Variants in KCNN3 observed in about 807,000 individuals in gnomAD.
KCNN3 encodes the protein potassium calcium-activated channel subfamily N member 3, also known as small conductance calcium-activated potassium channel protein 3.
Under a neutral mutation model 62.9 loss-of-function variants are expected in KCNN3, and 16 were observed. The observed-to-expected ratio is 0.25, with a 90% CI of 0.17 to 0.39. The LOEUF (loss-of-function observed/expected upper bound fraction) is 0.39, where lower values mean the gene tolerates loss of function less well. Among genes scored for constraint, KCNN3 ranks in the 10% least tolerant of loss-of-function variants. KCNN3 has a pLI of 1.00. For synonymous variants in KCNN3, 370 were observed against 389.2 expected (o/e 0.95, Z 0.58); for missense variants, 599 against 949.4 (o/e 0.63, Z 4.85).
intron 2 of KCNN3, among the ~76,000 whole-genome samples, chr1:154,775,318 A>G (rs1341652196): frequency 6.6e-6 from 1 of 152,154 alleles, no homozygotes; most frequent in Non-Finnish European, 1.5e-5. Flanking sequence ...ATGTTTCTGC[A>G]GCAAGGGGAA....
chr1:154,845,493 G>T (rs1017561785), intron 1 of KCNN3, among the ~76,000 whole-genome samples: 12 of 152,244 alleles, frequency 7.9e-5, no homozygotes, highest in South Asian at 6.2e-4. Context: ...GGCCCAAGAG[G>T]TCTCTGCTTT....
Position 154,726,032 on chromosome 1 carries a change from G to T in KCNN3, c.1591-6C>A, listed in dbSNP as rs777503256. ...AGGGCAGTGCAGCCTGCACCCTGCG[G>T]GGGGACATCAAGAGGACCAGAGGGG... is the stretch of plus-strand genomic sequence containing the variant. On this transcript the variant is annotated splice_region_variant and splice_polypyrimidine_tract_variant and intron_variant, in intron 4 of 7. Coordinates refer to ENST00000271915, the MANE Select transcript of KCNN3 (RefSeq NM_002249.6). The T allele has an allele frequency of 1.2e-6, 2 of 1,609,202 alleles. No homozygotes were observed.
At chr1:154,867,898 A>G (rs1653015294) in intron 1 of KCNN3, 2 of 963,992 alleles carry the variant, frequency 2.1e-6, no homozygotes, top group African/African-American at 3.5e-5. Context: ...CAAGCCTTCC[A>G]GCCCACAGCA....
At position 154,699,192 on chromosome 1, in the gene KCNN3, T is replaced by C. The variant is rs1699801771; in HGVS notation, c.*8784A>G. 6.6e-6 allele frequency: 1 copy of C among 151,822 alleles called. No individual in the cohort carries two copies. The highest frequency in any genetic ancestry group is 6.6e-5 in the Admixed American group (1 of 15,236). The allele number at this position is 151,822 out of a possible 1,614,324, so 9.4% of individuals were successfully genotyped here. ...ACCTTCAGGCACTTGACTTTTTTTTTTTTTTTTAATATCCTTTACCTTTTT... is the reference window on the plus strand; with the variant it reads ...ACCTTCAGGCACTTGACTTTTTTTTCTTTTTTTAATATCCTTTACCTTTTT... On this transcript the variant is annotated 3_prime_UTR_variant, in exon 8 of 8. Coordinates refer to ENST00000271915, the MANE Select transcript of KCNN3 (RefSeq NM_002249.6).
chr1:154,820,201 G>A (rs1050348891), intron 2 of KCNN3, among the ~76,000 whole-genome samples: 4 of 152,244 alleles, frequency 2.6e-5, no homozygotes, highest in African/African-American at 9.6e-5. Flanking sequence ...GAGTCAAGCT[G>A]CAGCTGGACC....
intron 1 of KCNN3, among the ~76,000 whole-genome samples, chr1:154,846,462 C>G (rs571699901): frequency 6.6e-6 from 1 of 152,202 alleles, no homozygotes; most frequent in East Asian, 1.9e-4. Flanking sequence ...GTCTGCCCCC[C>G]GGGAGGAGGA....
intron 3 of KCNN3, among the ~76,000 whole-genome samples, chr1:154,770,742 C>T (rs1484738474): frequency 6.6e-6 from 1 of 152,176 alleles, no homozygotes; most frequent in Non-Finnish European, 1.5e-5. Flanking sequence ...GATTTAGACT[C>T]CACATGTCAA....
chr1:154,714,857 A>G lies in KCNN3; in HGVS notation c.1829+19T>C. 1 of 1,613,016 alleles carries G rather than the reference A, an allele frequency of 6.2e-7. No homozygotes were observed. On this transcript the variant is annotated intron_variant, in intron 6 of 7. Transcript: ENST00000271915. ...CCCAGTCTGGTCATCTGATGGCTGA[A>G]CCGCTCTGGCATACTCACTGGTGGA...
At position 154,772,309 on chromosome 1, in the gene KCNN3, C is replaced by G. The variant is rs1254657878; in HGVS notation, c.1114G>C (p.Val372Leu). The G allele has an allele frequency of 6.2e-7, 1 of 1,614,020 alleles. No homozygotes were observed. Among genetic ancestry groups the G allele is most frequent in the African/African-American group, 1.3e-5 (1 of 74,946 alleles). ...CCAGGAATGGGGTGGATGGCGCACA[C>G]CAGCATCTCCAGGCTGATGTACAGG... is the stretch of plus-strand genomic sequence containing the variant. The part of the protein sequence containing the change: ...RILYISLEML[V>L]CAIHPIPGEY... Residue 372 changes from valine to leucine, a missense_variant, in exon 3 of 8, where the codon GTG (valine) becomes CTG (leucine). Physicochemically the swap from Val to Leu is conservative, Grantham distance 32. Coordinates refer to ENST00000271915, the MANE Select transcript of KCNN3 (RefSeq NM_002249.6). This position sits in a 1 kb window ranked among gnomAD's most constrained non-coding sequence, Gnocchi z 5.6.
chr1:154,715,148 A>G, intron 5 of KCNN3, 145 bp from the exon 6 acceptor site: 1 of 1,058,148 alleles, frequency 9.5e-7, no homozygotes, highest in Non-Finnish European at 1.4e-6. Context: ...CCTAGAAAAG[A>G]TGATTAAGGC....
At chr1:154,712,373 C>T (rs557357189) in intron 7 of KCNN3, among the ~76,000 whole-genome samples, 2 of 152,292 alleles carry the variant, frequency 1.3e-5, no homozygotes, top group Admixed American at 6.5e-5. Flanking sequence ...CTGCACTCCA[C>T]GTGAACGCCC....
intron 1 of KCNN3, among the ~76,000 whole-genome samples, chr1:154,828,748 G>C (rs758967740): frequency 2.0e-4 from 31 of 152,218 alleles, no homozygotes; most frequent in Admixed American, 1.2e-3. Context: ...TTCCCTTGTA[G>C]TCAAACACCC....
chr1:154,868,928 CTCTCTCTCAA>C (rs1167057687), intron 1 of KCNN3, 94 bp downstream of exon 1: 10 of 1,099,304 alleles, frequency 9.1e-6, no homozygotes, highest in African/African-American at 3.2e-5. Flanking sequence ...CTCTCTCTCT[CTCTCTCTCAA>C]TCTCTCTCTC....
rs11584403 is a variant in KCNN3 at position 154,772,555 on chromosome 1, T to G, written c.1030-162A>C. 0.48 allele frequency among the ~76,000 whole-genome samples: 72,328 copies of G among 152,044 alleles called. 17,531 individuals are homozygous for G. Among genetic ancestry groups the G allele is most frequent in the Middle Eastern group, 0.59 (174 of 294 alleles). On this transcript the variant is annotated intron_variant, in intron 2 of 7. Coordinates refer to ENST00000271915, the MANE Select transcript of KCNN3 (RefSeq NM_002249.6). The surrounding 1 kb of genome is among the most constrained non-coding windows in gnomAD (Gnocchi z 5.6). ...GCCTTGCTATGTGGCAAGAGCCCTG[T>G]ATGTGGAGTAGGGAGAGCTGGATTC...
rs191423772 is a variant in KCNN3, at chr1:154,833,307, A to T, written c.934-11123T>A. Among the ~76,000 whole-genome samples the T allele has an allele frequency of 2.9e-3, 449 of 152,338 alleles. 4 individuals carry two copies. Among genetic ancestry groups the T allele is most frequent in the African/African-American group, 0.01 (420 of 41,576 alleles). Reference sequence around the variant, plus strand: ...AAAATTTTTAAGACACCCAGAAATCACATATGGTGAGAAAAACAACCGCCT... The same window carrying T: ...AAAATTTTTAAGACACCCAGAAATCTCATATGGTGAGAAAAACAACCGCCT... On this transcript the variant is annotated intron_variant, in intron 1 of 7. Coordinates refer to ENST00000271915, the MANE Select transcript of KCNN3 (RefSeq NM_002249.6).
rs1699869341 is a variant in KCNN3 at position 154,702,296 on chromosome 1, A to G, written c.*5680T>C. The G allele has an allele frequency of 1.3e-5, 2 of 152,062 alleles. No homozygotes were observed. The highest frequency in any genetic ancestry group is 1.5e-5 in the Non-Finnish European group (1 of 68,026). 9.4% of individuals were successfully genotyped at this position (152,062 alleles called of 1,614,324 possible). ...CTAGTTTGATACAAAATGTTAATTG[A>G]AAGTTACAATATATTTTATAATATA... On this transcript the variant is annotated 3_prime_UTR_variant, in exon 8 of 8. Coordinates refer to ENST00000271915, the MANE Select transcript of KCNN3 (RefSeq NM_002249.6).
intron 2 of KCNN3, among the ~76,000 whole-genome samples, chr1:154,802,316 G>A (rs549386307): frequency 6.6e-6 from 1 of 152,322 alleles, no homozygotes; most frequent in Admixed American, 6.5e-5. Context: ...GTATGAGCAA[G>A]GCACCAAACC....
chr1:154,751,917 G>A (rs1293247525), intron 3 of KCNN3, among the ~76,000 whole-genome samples: 4 of 152,186 alleles, frequency 2.6e-5, no homozygotes, highest in South Asian at 2.1e-4. Flanking sequence ...AGAGGGAAAT[G>A]ATGGAGTTGA....
rs60145117 is a variant in KCNN3 at position 154,868,900 on chromosome 1, ATCTCTCTCTC to A, written c.933+122_933+131del. 6.3e-3 allele frequency: 4,740 copies of A among 755,464 alleles called. 22 individuals are homozygous for A. The highest frequency in any genetic ancestry group is 0.019 in the African/African-American group (908 of 48,786). The allele number at this position is 755,464 out of a possible 1,614,324, so 46.8% of individuals were successfully genotyped here. ...TCCCAGTCTCCCTCCCAATCTCTCA[ATCTCTCTCTC>A]TCTCTCTCTCTCTCTCTCTCTCTCT... On this transcript the variant is annotated intron_variant, in intron 1 of 7. Coordinates refer to ENST00000271915, the MANE Select transcript of KCNN3 (RefSeq NM_002249.6).
Sources: allele counts gnomAD v4.1 joint callset (sites outside exome capture counted in the v4.1 genomes callset), GRCh38; gene constraint gnomAD v4.1.1; non-coding constraint Gnocchi (gnomAD v3.1); transcripts MANE v1.5; gene names NCBI Gene and HGNC (gene_info 2026-07-23, HGNC 2026-07-21).